Variants in CRACDL observed in about 807,000 individuals in gnomAD.
The protein encoded by CRACDL is CRACD like, also known as CRACD-like protein.
Under a neutral mutation model 70.6 loss-of-function variants are expected in CRACDL, and 26 were observed. The observed-to-expected ratio is 0.37, with a 90% CI of 0.27 to 0.51. The LOEUF (loss-of-function observed/expected upper bound fraction) is 0.51, where lower values mean the gene tolerates loss of function less well. Among genes scored for constraint, CRACDL ranks in the 20% least tolerant of loss-of-function variants. The probability of loss-of-function intolerance (pLI) is 0.94; values close to 1 mark genes in which losing one functional copy is unlikely to be tolerated. For missense variants in CRACDL, 1,283 were observed against 1,376.9 expected (o/e 0.93, Z 1.08); for synonymous variants, 618 against 615.2 (o/e 1.00, Z -0.07).
In CRACDL at chr2:98,847,969, T is replaced by C. The variant is rs909528248; in HGVS notation, c.-10-1159A>G. Among the ~76,000 whole-genome samples the C allele has an allele frequency of 3.9e-5, 6 of 152,164 alleles. No individual in the cohort carries two copies. The South Asian group carries it at 8.3e-4, about 21-fold the overall frequency. On this transcript the variant is annotated intron_variant, in intron 1 of 9. Transcript: ENST00000397899. ...CCCTACCAGCCAATCCCTCAAAAGCTGAACAAAGTTTCACCAGCTCCAGCT... is the reference window on the plus strand; with the variant it reads ...CCCTACCAGCCAATCCCTCAAAAGCCGAACAAAGTTTCACCAGCTCCAGCT...
intron 1 of CRACDL, among the ~76,000 whole-genome samples, chr2:98,884,901 C>T (rs965780361): frequency 6.6e-6 from 1 of 152,352 alleles, no homozygotes. Flanking sequence ...AGGACTGAGA[C>T]CTATCCCCAC....
intron 1 of CRACDL, among the ~76,000 whole-genome samples, chr2:98,860,518 A>T (rs954269720): frequency 6.6e-6 from 1 of 152,228 alleles, no homozygotes; most frequent in East Asian, 1.9e-4. Flanking sequence ...AGACAACTCA[A>T]TGGAGGGATA....
At chr2:98,935,156 A>C (rs992543726) in intron 1 of CRACDL, among the ~76,000 whole-genome samples, 1 of 152,168 alleles carries the variant, frequency 6.6e-6, no homozygotes, top group Admixed American at 6.5e-5. Flanking sequence ...AGGATACCTT[A>C]AGACCAGTTT....
rs1705081743 is a variant in CRACDL, at chr2:98,822,265, C to T, written c.2008G>A (p.Ala670Thr). ...TCCTCACTCGGGGCCGGCTCCTGGG[C>T]GGCTGGGCAGGGCTCTCTCGTGCCG... ...APGTREPCPAAQEPAPSEDRN... is the reference protein window; with the variant it reads ...APGTREPCPATQEPAPSEDRN... Residue 670 changes from alanine (A) to threonine (T), a missense_variant, in exon 7 of 10, where the codon GCC (alanine) becomes ACC (threonine). Transcript: ENST00000397899. The surrounding 1 kb of genome is among the most constrained non-coding windows in gnomAD (Gnocchi z 4.9). 6.3e-7 allele frequency: 1 copy of T among 1,590,534 alleles called. No homozygotes were observed. The highest frequency in any genetic ancestry group is 8.5e-7 in the Non-Finnish European group (1 of 1,174,900).
intron 1 of CRACDL, among the ~76,000 whole-genome samples, chr2:98,926,505 T>C (rs950474940): frequency 6.6e-6 from 1 of 152,154 alleles, no homozygotes; most frequent in Admixed American, 6.5e-5. Flanking sequence ...GCGTGCACCA[T>C]GAAGCAAGCA....
intron 1 of CRACDL, among the ~76,000 whole-genome samples, chr2:98,877,931 T>G (rs1707530110): frequency 6.7e-6 from 1 of 150,032 alleles, no homozygotes; most frequent in Non-Finnish European, 1.5e-5. Context: ...GGAACTATAA[T>G]GTTGTACCAT....
chr2:98,810,684 G>A (rs753757266), intron 7 of CRACDL, among the ~76,000 whole-genome samples: 1 of 152,216 alleles, frequency 6.6e-6, no homozygotes, highest in Non-Finnish European at 1.5e-5. Flanking sequence ...GCTGGAAGAA[G>A]TGTAAACCAG....
chr2:98,821,739 C>A, intron 7 of CRACDL, 118 bp downstream of exon 7: 2 of 1,306,760 alleles, frequency 1.5e-6, no homozygotes, highest in Non-Finnish European at 2.1e-6. Flanking sequence ...CTGACTCCTT[C>A]CAATTCCCCT....
intron 1 of CRACDL, among the ~76,000 whole-genome samples, chr2:98,904,247 T>C (rs1468934437): frequency 1.3e-5 from 2 of 152,188 alleles, no homozygotes; most frequent in Non-Finnish European, 2.9e-5. Flanking sequence ...TACACCCTCA[T>C]TGTCCTTTCC....
chr2:98,877,796 T>C (rs1707525174), intron 1 of CRACDL, among the ~76,000 whole-genome samples: 1 of 151,876 alleles, frequency 6.6e-6, no homozygotes, highest in Non-Finnish European at 1.5e-5. Flanking sequence ...ATATCCTCGG[T>C]TCATAGTGTT....
At chr2:98,799,345 GC>G (rs899283835) in intron 7 of CRACDL, among the ~76,000 whole-genome samples, 1 of 152,124 alleles carries the variant, frequency 6.6e-6, no homozygotes, top group African/African-American at 2.4e-5. Flanking sequence ...GGAGGTACAA[GC>G]GGGGTGGCCA....
At chr2:98,808,505 C>T (rs559016994) in intron 7 of CRACDL, among the ~76,000 whole-genome samples, 1 of 152,222 alleles carries the variant, frequency 6.6e-6, no homozygotes, top group East Asian at 1.9e-4. Flanking sequence ...ACAACAGTGC[C>T]CAGCTGACCA....
intron 1 of CRACDL, among the ~76,000 whole-genome samples, chr2:98,893,594 C>T (rs997039673): frequency 6.6e-6 from 1 of 152,128 alleles, no homozygotes; most frequent in African/African-American, 2.4e-5. Context: ...TGAAGGAGCC[C>T]TATTTTCATA....
At chr2:98,933,065 C>G (rs928932892) in intron 1 of CRACDL, among the ~76,000 whole-genome samples, 3 of 152,340 alleles carry the variant, frequency 2.0e-5, no homozygotes, top group South Asian at 2.1e-4. Flanking sequence ...TTCCGCACAA[C>G]CTGGGCGGGC....
At chr2:98,872,381 T>C (rs116129777) in intron 1 of CRACDL, among the ~76,000 whole-genome samples, 7,221 of 152,118 alleles carry the variant, frequency 0.047, 319 homozygotes, top group South Asian at 0.17. Context: ...AGACCACATG[T>C]TCTCACTTAT....
chr2:98,795,077 A>ATATATATATATATTTTT, intron 9 of CRACDL, among the ~76,000 whole-genome samples: 28 of 58,452 alleles, frequency 4.8e-4, no homozygotes, highest in African/African-American at 1.5e-3. Context: ...ATATATATAT[A>ATATATATATATATTTTT]TTTTTTTTTT....
At chr2:98,867,513 G>A (rs888743599) in intron 1 of CRACDL, among the ~76,000 whole-genome samples, 5 of 151,898 alleles carry the variant, frequency 3.3e-5, no homozygotes, top group African/African-American at 1.2e-4. Flanking sequence ...AAAAACATTA[G>A]TTTAGACATT....
intron 7 of CRACDL, among the ~76,000 whole-genome samples, chr2:98,814,668 T>G (rs942638532): frequency 3.3e-5 from 5 of 152,162 alleles, no homozygotes; most frequent in African/African-American, 9.6e-5. Context: ...TAAATATCAA[T>G]TAGGTCAAGT....
intron 1 of CRACDL, among the ~76,000 whole-genome samples, chr2:98,930,942 A>ATGTGTGTGTGTGTGTGTG (rs140634438): frequency 6.7e-6 from 1 of 149,666 alleles, no homozygotes; most frequent in African/African-American, 2.4e-5. Flanking sequence ...ATGCTCATGT[A>ATGTGTGTGTGTGTGTGTG]TGTGTGTGTG....
Sources: gnomAD v4.1 joint callset for allele counts (sites outside exome capture counted in the v4.1 genomes callset) on GRCh38, gnomAD v4.1.1 for gene constraint, Gnocchi (gnomAD v3.1) non-coding constraint, MANE v1.5 for transcripts, NCBI Gene and HGNC (gene_info 2026-07-23, HGNC 2026-07-21) for gene names.